VPS39: variants seen among roughly 807,000 people sequenced by gnomAD.
VPS39 encodes VPS39 subunit of HOPS complex.
A neutral mutation model predicts 121.0 loss-of-function variants in VPS39; 70 were observed. The observed-to-expected ratio is 0.58, with a 90% confidence interval of 0.48 to 0.71. The LOEUF (loss-of-function observed/expected upper bound fraction) is 0.71. Among genes scored for constraint, VPS39 ranks in the 30% least tolerant of loss-of-function variants. VPS39 has a pLI of 0.00. For synonymous variants in VPS39, 378 were observed against 398.1 expected (o/e 0.95, Z 0.60); for missense variants, 818 against 1,051.5 (o/e 0.78, Z 3.07).
chr15:42,170,754 T>TTTTA (rs1376510049), intron 11 of VPS39, among the ~76,000 whole-genome samples: 1 of 136,824 alleles, frequency 7.3e-6, no homozygotes, highest in Non-Finnish European at 1.6e-5. Flanking sequence ...TTTTTTTTTT[T>TTTTA]TTTTTTTTTT....
intron 1 of VPS39, among the ~76,000 whole-genome samples, chr15:42,201,461 G>A (rs1566912336): frequency 1.3e-5 from 2 of 152,202 alleles, no homozygotes; most frequent in South Asian, 2.1e-4. Context: ...AGGGGTGAGC[G>A]ACTGTGCCCA....
intron 10 of VPS39, among the ~76,000 whole-genome samples, chr15:42,176,443 A>G (rs1001968086): frequency 6.6e-6 from 1 of 152,124 alleles, no homozygotes; most frequent in African/African-American, 2.4e-5. Flanking sequence ...ATTTAGGATA[A>G]TGATTACATC....
intron 17 of VPS39, 181 bp downstream of exon 17, chr15:42,165,537 G>C: frequency 1.8e-6 from 1 of 545,690 alleles, no homozygotes; most frequent in South Asian, 2.6e-5. Context: ...ACCTAGATTT[G>C]GTAGGTAGCA....
In VPS39 at chr15:42,208,072, T is replaced by C. The variant is rs1010245447; in HGVS notation, c.73+9A>G. The C allele has an allele frequency of 1.9e-6, 3 of 1,574,880 alleles. No homozygotes were observed. In the African/African-American group the frequency reaches 4.1e-5, roughly 21 times the overall value. The stretch of plus-strand genomic sequence containing the variant: ...GACTCCGCCTCGGCCCCGCGGCCCC[T>C]CGGCTCACCCCAGGCAGCCAGACAG... On this transcript the variant is annotated intron_variant, in intron 1 of 24. Transcript: ENST00000318006.
intron 8 of VPS39, chr15:42,179,022 T>TA (rs1413591082): frequency 5.2e-5 from 8 of 153,194 alleles, no homozygotes; most frequent in East Asian, 3.9e-4. Flanking sequence ...AAAAGAAAAA[T>TA]AAAAAAAAAT....
intron 2 of VPS39, among the ~76,000 whole-genome samples, chr15:42,194,819 G>GT (rs200997046): frequency 5.7e-4 from 86 of 150,018 alleles, no homozygotes; most frequent in African/African-American, 2.0e-3. Context: ...TGTTTTTTTC[G>GT]TTTTTTTAAA....
rs1357714754 is a variant in VPS39 at position 42,160,173 on chromosome 15, A to G, written c.*581T>C. The G allele has an allele frequency of 6.5e-6, 1 of 152,914 alleles. No homozygotes were observed. The highest frequency in any genetic ancestry group is 2.4e-5 in the African/African-American group (1 of 41,470). The allele number at this position is 152,914 out of a possible 1,614,324, so 9.5% of individuals were successfully genotyped here. On this transcript the variant is annotated 3_prime_UTR_variant, in exon 25 of 25. Coordinates refer to ENST00000318006, the MANE Select transcript of VPS39 (RefSeq NM_015289.5). ...GGGAAGTGGGAGAGAAAGCCTGGGT[A>G]GGGCAGTGAGGGAAGTGATAAATGG...
chr15:42,192,718 A>G (rs1434386425), intron 2 of VPS39, among the ~76,000 whole-genome samples: 1 of 152,028 alleles, frequency 6.6e-6, no homozygotes, highest in Admixed American at 6.6e-5. Flanking sequence ...GACACTTCCT[A>G]CACTTGAAAG....
intron 8 of VPS39, chr15:42,178,805 C>T (rs746001374): frequency 2.7e-5 from 13 of 487,388 alleles, no homozygotes; most frequent in African/African-American, 5.8e-5. Context: ...AGTTTGAGAC[C>T]GACCTAGGCA....
chr15:42,186,405 C>T (rs547186957), intron 7 of VPS39, among the ~76,000 whole-genome samples: 2 of 152,148 alleles, frequency 1.3e-5, no homozygotes, highest in Admixed American at 1.3e-4. Flanking sequence ...CCTGCCACTG[C>T]ACTCCCGCCT....
chr15:42,205,852 A>G (rs1264648781), intron 1 of VPS39, among the ~76,000 whole-genome samples: 1 of 152,218 alleles, frequency 6.6e-6, no homozygotes, highest in African/African-American at 2.4e-5. Flanking sequence ...ACTGGATTTC[A>G]GATTTATTCT....
chr15:42,173,746 T>C lies in VPS39; in HGVS notation c.1067A>G (p.Gln356Arg). ...FCQKRFDESM[Q>R]VFAKLGTDPT... ...ACCTGTGCCAAGTTTAGCAAAGACC[T>C]GCATGGACTCATCAAAACGCTTCTG... The change falls in exon 11 of 25, where the codon CAG becomes CGG. Residue 356 changes from glutamine (Q) to arginine (R), a missense_variant. Coordinates refer to ENST00000318006, the MANE Select transcript of VPS39 (RefSeq NM_015289.5). 6.2e-7 allele frequency: 1 copy of C among 1,614,148 alleles called. No individual in the cohort carries two copies. The highest frequency in any genetic ancestry group is 8.5e-7 in the Non-Finnish European group (1 of 1,179,970).
intron 10 of VPS39, 70 bp from the exon 11 acceptor site, chr15:42,173,922 A>G: frequency 6.4e-7 from 1 of 1,569,598 alleles, no homozygotes; most frequent in Non-Finnish European, 8.7e-7. Flanking sequence ...TCTTGATGTT[A>G]GAGAAGATGC....
At chr15:42,202,694 T>C (rs1228598684) in intron 1 of VPS39, among the ~76,000 whole-genome samples, 1 of 152,220 alleles carries the variant, frequency 6.6e-6, no homozygotes, top group East Asian at 1.9e-4. Context: ...TCTTTATCTT[T>C]TTTAATAGCC....
In VPS39 at chr15:42,184,524, C is replaced by T; in HGVS notation, c.711G>A (p.Val237=). The T allele has an allele frequency of 6.2e-7, 1 of 1,604,508 alleles. No individual in the cohort carries two copies. Residue 237 remains valine, a synonymous_variant, in exon 8 of 25, where the codon GTG becomes GTA. Transcript: ENST00000318006. ...KCALNWTDIP[V]AMEHQPPYII... ...AGCTACTGTTGGTCTCACCCATGGCCACTGGTATGTCCGTCCAGTTCAGGG... is the reference window on the plus strand; with the variant it reads ...AGCTACTGTTGGTCTCACCCATGGCTACTGGTATGTCCGTCCAGTTCAGGG...
At chr15:42,161,627 A>G (rs1271949400) in intron 24 of VPS39, 55 bp downstream of exon 24, 2 of 1,561,048 alleles carry the variant, frequency 1.3e-6, no homozygotes, top group Non-Finnish European at 1.8e-6. Context: ...AGCGTTCTCC[A>G]CCCCTGGGAA....
intron 5 of VPS39, among the ~76,000 whole-genome samples, chr15:42,188,663 C>A (rs2049755587): frequency 6.6e-6 from 1 of 152,104 alleles, no homozygotes; most frequent in Admixed American, 6.5e-5. Flanking sequence ...AGAAATTTCT[C>A]TAATACAATT....
chr15:42,161,873 T>G (rs2049134300), intron 23 of VPS39, 100 bp from the exon 24 acceptor site: 1 of 1,592,856 alleles, frequency 6.3e-7, no homozygotes, highest in Admixed American at 1.7e-5. Context: ...CGTCACAGAT[T>G]CTTCTGCTTA....
At position 42,184,532 on chromosome 15, in the gene VPS39, T is replaced by C; in HGVS notation, c.703A>G (p.Ile235Val). 1 of 1,609,694 alleles carries C rather than the reference T, an allele frequency of 6.2e-7. No homozygotes were observed. The highest frequency in any genetic ancestry group is 8.5e-7 in the Non-Finnish European group (1 of 1,178,578). ...TQKCALNWTD[I>V]PVAMEHQPPY... is the part of the protein sequence containing the mutation. ...TTGGTCTCACCCATGGCCACTGGTA[T>C]GTCCGTCCAGTTCAGGGCACATTTC... Residue 235 changes from isoleucine (I) to valine (V), a missense_variant, in exon 8 of 25, where the codon ATA becomes GTA. By Grantham distance (29) the Ile-to-Val change is conservative. Transcript: ENST00000318006.
Sources: allele counts gnomAD v4.1 joint callset (sites outside exome capture counted in the v4.1 genomes callset), GRCh38; gene constraint gnomAD v4.1.1; transcripts MANE v1.5; gene names NCBI Gene and HGNC (gene_info 2026-07-23, HGNC 2026-07-21).